Variants in PKNOX2 observed in about 807,000 individuals in gnomAD.
PKNOX2 encodes the protein PBX/knotted 1 homeobox 2.
Under a neutral mutation model 53.1 loss-of-function variants are expected in PKNOX2, and 14 were observed. The ratio of observed to expected loss-of-function variants is 0.26; its 90% CI spans 0.17 to 0.41. The LOEUF (loss-of-function observed/expected upper bound fraction) is 0.41. Ranked by LOEUF, PKNOX2 falls within the 10% of genes least tolerant of loss-of-function variation. The pLI is 1.00. For synonymous variants in PKNOX2, 257 were observed against 242.8 expected (o/e 1.06, Z -0.54); for missense variants, 496 against 602.8 (o/e 0.82, Z 1.85).
intron 1 of PKNOX2, among the ~76,000 whole-genome samples, chr11:125,208,694 G>A (rs1034775469): frequency 3.3e-5 from 5 of 152,098 alleles, no homozygotes; most frequent in Admixed American, 6.5e-5. Flanking sequence ...GTGAGAGGTA[G>A]AAGAGAGTTT....
rs1289501693 is a variant in PKNOX2 at position 125,430,055 on chromosome 11, A to T, written c.1106A>T (p.His369Leu). 1 of 1,614,172 alleles carries T rather than the reference A, an allele frequency of 6.2e-7. No homozygotes were observed. Among genetic ancestry groups the T allele is most frequent in the Non-Finnish European group, 8.5e-7 (1 of 1,180,020 alleles). Residue 369 changes from histidine to leucine, a missense_variant, in exon 12 of 13, where the codon CAC becomes CTC. Physicochemically the swap from His to Leu is moderately conservative, Grantham distance 99. Coordinates refer to ENST00000298282, the MANE Select transcript of PKNOX2 (RefSeq NM_001382323.2). ...APKAKKIKSQHRPTQRFWPNS... is the reference protein window; with the variant it reads ...APKAKKIKSQLRPTQRFWPNS... ...AAAGCCAAGAAGATCAAGTCTCAGC[A>T]CCGGCCCACCCAAAGATTCTGGCCC...
chr11:125,274,351 G>A (rs1208624521), intron 2 of PKNOX2, among the ~76,000 whole-genome samples: 2 of 152,130 alleles, frequency 1.3e-5, no homozygotes, highest in Non-Finnish European at 2.9e-5. Flanking sequence ...GGGATATCGA[G>A]CTCCACATCC....
intron 1 of PKNOX2, among the ~76,000 whole-genome samples, chr11:125,206,346 T>C (rs1189383856): frequency 1.3e-5 from 2 of 151,866 alleles, no homozygotes. Context: ...GGTCAAAATG[T>C]AGAGGAGGGG....
intron 2 of PKNOX2, among the ~76,000 whole-genome samples, chr11:125,247,212 G>C (rs10893356): frequency 0.29 from 44,404 of 151,972 alleles, 6,775 homozygotes; most frequent in Non-Finnish European, 0.33. Context: ...TTGTTCCTCT[G>C]TGCTTATCCA....
At chr11:125,192,736 T>TTGTC (rs1956955152) in intron 1 of PKNOX2, among the ~76,000 whole-genome samples, 1 of 151,992 alleles carries the variant, frequency 6.6e-6, no homozygotes, top group Non-Finnish European at 1.5e-5. Context: ...TCTGCCTTGT[T>TTGTC]CCCCAAGTCT....
At chr11:125,184,749 G>A (rs1956350311) in intron 1 of PKNOX2, among the ~76,000 whole-genome samples, 1 of 152,172 alleles carries the variant, frequency 6.6e-6, no homozygotes, top group Admixed American at 6.5e-5. Flanking sequence ...TCCTGGCCTT[G>A]TGTCGGAGGC....
At chr11:125,344,602 G>T (rs1950876997) in intron 3 of PKNOX2, among the ~76,000 whole-genome samples, 1 of 152,182 alleles carries the variant, frequency 6.6e-6, no homozygotes, top group South Asian at 2.1e-4. Context: ...TGATATTAGG[G>T]CATGACCTGG....
intron 7 of PKNOX2, among the ~76,000 whole-genome samples, chr11:125,404,102 C>A (rs549184025): frequency 1.3e-5 from 2 of 152,048 alleles, no homozygotes; most frequent in Non-Finnish European, 2.9e-5. Flanking sequence ...AGGGAGAAGA[C>A]TGGATGGGGC....
At chr11:125,429,650 C>T (rs1042107565) in intron 11 of PKNOX2, among the ~76,000 whole-genome samples, 17 of 152,208 alleles carry the variant, frequency 1.1e-4, no homozygotes, top group African/African-American at 4.1e-4. Context: ...GCCCTTGGCT[C>T]TCTGGAGAGA....
chr11:125,336,317 G>A (rs1950429576), intron 3 of PKNOX2, among the ~76,000 whole-genome samples: 1 of 151,946 alleles, frequency 6.6e-6, no homozygotes, highest in Non-Finnish European at 1.5e-5. Context: ...TATTATATTA[G>A]ATAATATGCT....
intron 1 of PKNOX2, among the ~76,000 whole-genome samples, chr11:125,199,794 C>T (rs1938219848): frequency 6.6e-6 from 1 of 152,200 alleles, no homozygotes; most frequent in African/African-American, 2.4e-5. Context: ...TTGCGGTGAG[C>T]CGAGATTGCA....
At position 125,165,478 on chromosome 11, in the gene PKNOX2, C is replaced by A; in HGVS notation, c.-201+702C>A. On this transcript the variant is annotated intron_variant, in intron 1 of 12. Coordinates refer to ENST00000298282, the MANE Select transcript of PKNOX2 (RefSeq NM_001382323.2). This position sits in a 1 kb window ranked among gnomAD's most constrained non-coding sequence, Gnocchi z 4.5. ...CCACCAGCCTGGAGATGCTTTCCAG[C>A]GGCTGGAGGCGGGAGCGGTCCCAGG... Among the ~76,000 whole-genome samples the A allele has an allele frequency of 6.6e-6, 1 of 152,150 alleles. No individual in the cohort carries two copies. Among genetic ancestry groups the A allele is most frequent in the Non-Finnish European group, 1.5e-5 (1 of 68,012 alleles).
At chr11:125,235,494 C>T (rs533474503) in intron 2 of PKNOX2, among the ~76,000 whole-genome samples, 7 of 152,328 alleles carry the variant, frequency 4.6e-5, no homozygotes, top group East Asian at 1.9e-4. Flanking sequence ...TCCTCAAACT[C>T]GGCCAAGTTT....
chr11:125,359,633 G>C (rs1951815755), intron 4 of PKNOX2, among the ~76,000 whole-genome samples: 1 of 152,164 alleles, frequency 6.6e-6, no homozygotes, highest in Non-Finnish European at 1.5e-5. Context: ...CCTCTTCCCG[G>C]GTCCTTGGCT....
At chr11:125,277,796 GAT>G (rs1946274775) in intron 2 of PKNOX2, 1 of 152,136 alleles carries the variant, frequency 6.6e-6, no homozygotes, top group Non-Finnish European at 1.5e-5. Context: ...AGAAAGGAAA[GAT>G]AAATGTTTGA....
At chr11:125,262,742 T>G (rs926984287) in intron 2 of PKNOX2, among the ~76,000 whole-genome samples, 7 of 152,016 alleles carry the variant, frequency 4.6e-5, no homozygotes, top group Non-Finnish European at 1.0e-4. Flanking sequence ...TGTCCTTTCT[T>G]TCCACTCGTT....
At chr11:125,390,401 T>A (rs1312293182) in intron 6 of PKNOX2, among the ~76,000 whole-genome samples, 2 of 152,230 alleles carry the variant, frequency 1.3e-5, no homozygotes, top group African/African-American at 4.8e-5. Context: ...TTCTTCCATC[T>A]TTCTCTGGGC....
intron 1 of PKNOX2, among the ~76,000 whole-genome samples, chr11:125,227,829 G>A (rs1284244131): frequency 2.6e-5 from 4 of 152,086 alleles, no homozygotes; most frequent in African/African-American, 7.2e-5. Flanking sequence ...CTTCATTAAC[G>A]CCGTTTGAGC....
intron 2 of PKNOX2, among the ~76,000 whole-genome samples, chr11:125,262,376 C>T (rs1196087611): frequency 6.6e-6 from 1 of 152,028 alleles, no homozygotes; most frequent in African/African-American, 2.4e-5. Context: ...GTCAGGCACT[C>T]GGGGAGGGAG....
Sources: allele counts gnomAD v4.1 joint callset (sites outside exome capture counted in the v4.1 genomes callset), GRCh38; gene constraint gnomAD v4.1.1; non-coding constraint Gnocchi (gnomAD v3.1); transcripts MANE v1.5; gene names NCBI Gene and HGNC (gene_info 2026-07-23, HGNC 2026-07-21).